The following FBN1 variants were observed in gnomAD, a reference collection of about 807,000 sequenced individuals.
The protein encoded by FBN1 is fibrillin 1, also known as fibrillin-1.
FBN1 carries 29 observed loss-of-function variants against 365.1 expected under a neutral mutation model. The ratio of observed to expected loss-of-function variants is 0.08; its 90% CI spans 0.06 to 0.11. FBN1 has a LOEUF of 0.11. FBN1 is among the 10% of genes least tolerant of loss of function. The pLI is 1.00. For synonymous variants in FBN1, 1,210 were observed against 1,270.5 expected (o/e 0.95, Z 1.01); for missense variants, 2,476 against 3,703.2 (o/e 0.67, Z 8.60).
At chr15:48,448,433 T>C (rs762112104) in intron 46 of FBN1, among the ~76,000 whole-genome samples, 2 of 152,126 alleles carry the variant, frequency 1.3e-5, no homozygotes, top group Non-Finnish European at 2.9e-5. Flanking sequence ...AAAATGGTCA[T>C]CTCACACTCA....
intron 6 of FBN1, among the ~76,000 whole-genome samples, chr15:48,565,105 C>T (rs2044250531): frequency 6.6e-6 from 1 of 152,130 alleles, no homozygotes; most frequent in African/African-American, 2.4e-5. Flanking sequence ...ACCCACCATA[C>T]CTTGGTCAGA....
At chr15:48,569,175 A>T (rs1292382960) in intron 6 of FBN1, among the ~76,000 whole-genome samples, 1 of 152,150 alleles carries the variant, frequency 6.6e-6, no homozygotes, top group Non-Finnish European at 1.5e-5. Context: ...AAGACATTAG[A>T]GTAAACATGT....
At chr15:48,569,199 A>G (rs1438121866) in intron 6 of FBN1, among the ~76,000 whole-genome samples, 2 of 152,122 alleles carry the variant, frequency 1.3e-5, no homozygotes, top group Non-Finnish European at 2.9e-5. Flanking sequence ...CAAAGAAGAT[A>G]CATGAATAGG....
At chr15:48,488,637 T>C in intron 25 of FBN1, 144 bp from the exon 26 acceptor site, 2 of 891,304 alleles carry the variant, frequency 2.2e-6, no homozygotes, top group South Asian at 1.6e-5. Context: ...TGTGTGATGA[T>C]CCATGAGATA....
intron 55 of FBN1, among the ~76,000 whole-genome samples, chr15:48,431,757 C>T (rs571600024): frequency 9.7e-4 from 147 of 152,150 alleles, no homozygotes; most frequent in African/African-American, 3.5e-3. Flanking sequence ...GGGGTTCAAG[C>T]AATTCTTCTG....
chr15:48,446,392 T>C lies in FBN1; in HGVS notation c.5788+314A>G, dbSNP rs116519276. On this transcript the variant is annotated intron_variant, in intron 47 of 65. Transcript: ENST00000316623. ...TTATTAGTTATTGATGTTAATCTAT[T>C]ACCATGCCTAATTTATAAATTAAAC... Among the ~76,000 whole-genome samples the C allele has an allele frequency of 0.022, 3,322 of 152,314 alleles. 68 individuals are homozygous for C. The highest frequency in any genetic ancestry group is 0.083 in the East Asian group (433 of 5,188).
intron 6 of FBN1, among the ~76,000 whole-genome samples, chr15:48,589,361 C>T (rs567255348): frequency 5.7e-4 from 87 of 152,272 alleles, no homozygotes; most frequent in Non-Finnish European, 1.1e-3. Context: ...TGCATCCCAT[C>T]CCCACTGCTT....
At chr15:48,452,823 T>C in intron 44 of FBN1, 139 bp from the exon 45 acceptor site, 2 of 979,100 alleles carry the variant, frequency 2.0e-6, no homozygotes, top group Non-Finnish European at 3.1e-6. Flanking sequence ...ACAGCAGCTT[T>C]ATTTATTGCC....
intron 42 of FBN1, among the ~76,000 whole-genome samples, chr15:48,460,703 C>G (rs2043274447): frequency 6.6e-6 from 1 of 152,068 alleles, no homozygotes; most frequent in South Asian, 2.1e-4. Context: ...CGTATAAAAG[C>G]CATTTTCTCG....
chr15:48,613,202 G>T, intron 2 of FBN1, 110 bp from the exon 3 acceptor site: 1 of 819,118 alleles, frequency 1.2e-6, no homozygotes, highest in Non-Finnish European at 2.1e-6. Flanking sequence ...ATGAATCCTG[G>T]CAGACAGATA....
At position 48,644,407 on chromosome 15, in the gene FBN1, C is replaced by T. The variant is rs527901507; in HGVS notation, c.164+199G>A. On this transcript the variant is annotated intron_variant, in intron 2 of 65. Transcript: ENST00000316623. ...AGATTCCATTTAACCACGTCCTCTC[C>T]TTTGGGGCAGAAATCTCTGGGAGTA... The T allele has an allele frequency of 3.6e-4, 261 of 730,022 alleles. 3 individuals carry two copies. In the South Asian group the frequency reaches 4.3e-3, roughly 12 times the overall value. 45.2% of individuals were successfully genotyped at this position (730,022 alleles called of 1,614,324 possible). A position where few individuals can be genotyped will look rare whatever the true frequency, so the allele number is the denominator to read the frequency against.
chr15:48,528,646 C>T (rs1202340468), intron 8 of FBN1, among the ~76,000 whole-genome samples: 2 of 152,106 alleles, frequency 1.3e-5, no homozygotes, highest in African/African-American at 4.8e-5. Flanking sequence ...TAGGTACATG[C>T]CTTTGAAAGC....
At chr15:48,438,566 C>CAT (rs2043090196) in intron 50 of FBN1, among the ~76,000 whole-genome samples, 1 of 147,852 alleles carries the variant, frequency 6.8e-6, no homozygotes, top group African/African-American at 2.5e-5. Flanking sequence ...CACACACACA[C>CAT]ATATGCAGAG....
At chr15:48,638,395 C>T (rs956777671) in intron 2 of FBN1, among the ~76,000 whole-genome samples, 4 of 152,154 alleles carry the variant, frequency 2.6e-5, no homozygotes, top group Admixed American at 1.3e-4. Context: ...TTTATTATAA[C>T]TGTAAAGCAG....
intron 17 of FBN1, among the ~76,000 whole-genome samples, chr15:48,499,394 T>C (rs2043636519): frequency 6.6e-6 from 1 of 152,218 alleles, no homozygotes; most frequent in African/African-American, 2.4e-5. Context: ...AATAAAACTT[T>C]CTCCCACCAT....
chr15:48,565,625 TAAAA>T (rs35240803), intron 6 of FBN1, among the ~76,000 whole-genome samples: 5 of 138,932 alleles, frequency 3.6e-5, no homozygotes, highest in African/African-American at 1.0e-4. Context: ...TTCAATGTGA[TAAAA>T]AAAAAAAAAG....
rs540842120 is a variant in FBN1 at position 48,483,455 on chromosome 15, T to C, written c.3838+363A>G. On this transcript the variant is annotated intron_variant, in intron 31 of 65. Coordinates refer to ENST00000316623, the MANE Select transcript of FBN1 (RefSeq NM_000138.5). ...CAAAACAAATAGATCAGTTCTAAAG[T>C]TTACTGCATTCTTGTCAGAAGTAAA... 2.6e-3 allele frequency among the ~76,000 whole-genome samples: 391 copies of C among 152,336 alleles called. 1 individual carries two copies. Among genetic ancestry groups the C allele is most frequent in the African/African-American group, 9.2e-3 (382 of 41,578 alleles).
At chr15:48,444,015 A>T (rs974926677) in intron 49 of FBN1, among the ~76,000 whole-genome samples, 2 of 152,154 alleles carry the variant, frequency 1.3e-5, no homozygotes, top group African/African-American at 4.8e-5. Flanking sequence ...CTGGTGACAG[A>T]GTAAGACCCT....
chr15:48,493,096 G>A (rs1437905256), intron 23 of FBN1, among the ~76,000 whole-genome samples: 2 of 152,148 alleles, frequency 1.3e-5, no homozygotes, highest in Admixed American at 6.5e-5. Flanking sequence ...TTCTAACTCA[G>A]CCATGGTCTC....
Sources: gnomAD v4.1 joint callset for allele counts (sites outside exome capture counted in the v4.1 genomes callset) on GRCh38, gnomAD v4.1.1 for gene constraint, MANE v1.5 for transcripts, NCBI Gene and HGNC (gene_info 2026-07-23, HGNC 2026-07-21) for gene names.